The following CX3CR1 variants were observed in gnomAD, a reference collection of about 807,000 sequenced individuals.
CX3CR1 encodes C-X3-C motif chemokine receptor 1.
For synonymous variants in CX3CR1, 168 were observed against 178.5 expected (o/e 0.94, Z 0.47); for missense variants, 363 against 432.4 (o/e 0.84, Z 1.42).
rs770441666 is a variant in CX3CR1 at position 39,266,489 on chromosome 3, T to C, written c.21A>G (p.Ser7=). The change falls in exon 2 of 2, where the codon TCA becomes TCG. Residue 7 remains serine (S), a synonymous_variant. Coordinates refer to ENST00000399220, the MANE Select transcript of CX3CR1 (RefSeq NM_001337.4). ...CATCGTACTCAAAGTTTTCTGTCAC[T>C]GATTCAGGGAACTGATCCATGGTGA... The part of the protein sequence containing the change: MDQFPE[S]VTENFEYDDL... 4 of 1,613,900 alleles carry C rather than the reference T, an allele frequency of 2.5e-6. No homozygotes were observed. Among genetic ancestry groups the C allele is most frequent in the East Asian group, 2.2e-5 (1 of 44,890 alleles).
chr3:39,268,498 T>C (rs2040731618), intron 1 of CX3CR1, among the ~76,000 whole-genome samples: 1 of 152,162 alleles, frequency 6.6e-6, no homozygotes, highest in South Asian at 2.1e-4. Context: ...CAAGCTGCTG[T>C]ATGAGTAAAA....
chr3:39,265,416 G>C lies in CX3CR1; in HGVS notation c.*26C>G, dbSNP rs763983320. ...CAGGTTCAGGAACTCCAGGTTCTCT[G>C]TAGACACAAGGCTTTGGGATTCCCT... On this transcript the variant is annotated 3_prime_UTR_variant, in exon 2 of 2. Coordinates refer to ENST00000399220, the MANE Select transcript of CX3CR1 (RefSeq NM_001337.4). The C allele has an allele frequency of 6.4e-7, 1 of 1,566,514 alleles. No individual in the cohort carries two copies. The highest frequency in any genetic ancestry group is 1.2e-5 in the South Asian group (1 of 84,672).
chr3:39,287,617 G>A, the CX3CR1 span: 2 of 152,186 alleles, frequency 1.3e-5, no homozygotes, highest in Admixed American at 6.5e-5. Flanking sequence ...CCTTGAAACT[G>A]AATTGGGCAC....
Position 39,266,456 on chromosome 3 carries a change from A to G in CX3CR1, c.54T>C (p.Ala18=), listed in dbSNP as rs755363773. 1 of 1,614,238 alleles carries G rather than the reference A, an allele frequency of 6.2e-7. No individual in the cohort carries two copies. Among genetic ancestry groups the G allele is most frequent in the South Asian group, 1.1e-5 (1 of 91,082 alleles). Residue 18 remains alanine (A), a synonymous_variant, in exon 2 of 2, where the codon GCT becomes GCC. Transcript: ENST00000399220. ...CGATGTCCCCAATATAACAGGCCTC[A>G]GCCAAATCATCGTACTCAAAGTTTT... ...VTENFEYDDL[A]EACYIGDIVV...
chr3:39,288,277 T>C, the CX3CR1 span, among the ~76,000 whole-genome samples: 1 of 152,214 alleles, frequency 6.6e-6, no homozygotes, highest in Non-Finnish European at 1.5e-5. Context: ...AACCTGACCC[T>C]TGCTCACTCA....
Position 39,265,469 on chromosome 3 carries a change from A to G in CX3CR1, c.1041T>C (p.Ser347=). The change falls in exon 2 of 2, where the codon AGT becomes AGC. Residue 347 remains serine, a synonymous_variant. Coordinates refer to ENST00000399220, the MANE Select transcript of CX3CR1 (RefSeq NM_001337.4). ...AGAGAAGGAGCAATGCATCTCCATCACTCGTGTGGTAAGTAAAATTGCTGC... is the reference window on the plus strand; with the variant it reads ...AGAGAAGGAGCAATGCATCTCCATCGCTCGTGTGGTAAGTAAAATTGCTGC... The part of the protein sequence containing the change: ...VLSSNFTYHT[S]DGDALLLL The G allele has an allele frequency of 1.2e-6, 2 of 1,612,164 alleles. No individual in the cohort carries two copies. The highest frequency in any genetic ancestry group is 1.7e-6 in the Non-Finnish European group (2 of 1,178,720).
chr3:39,282,049 G>A (rs866752411), upstream of CX3CR1, among the ~76,000 whole-genome samples: 3 of 152,204 alleles, frequency 2.0e-5, no homozygotes, highest in Non-Finnish European at 4.4e-5. Flanking sequence ...CTTGGGTAAC[G>A]TGCCATTTTA....
rs751936998 is a variant in CX3CR1 at position 39,266,452 on chromosome 3, C to A, written c.58G>T (p.Ala20Ser). Residue 20 changes from alanine to serine, a missense_variant, in exon 2 of 2, where the codon GCC becomes TCC. Transcript: ENST00000399220. ...ACCACGATGTCCCCAATATAACAGGCCTCAGCCAAATCATCGTACTCAAAG... is the reference window on the plus strand; with the variant it reads ...ACCACGATGTCCCCAATATAACAGGACTCAGCCAAATCATCGTACTCAAAG... Reference protein sequence around the residue: ...ENFEYDDLAEACYIGDIVVFG... With the variant: ...ENFEYDDLAESCYIGDIVVFG... The A allele has an allele frequency of 6.2e-6, 10 of 1,614,040 alleles. No homozygotes were observed. The Admixed American group carries it at 1.7e-4, about 27-fold the overall frequency.
chr3:39,265,472 C>T lies in CX3CR1; in HGVS notation c.1038G>A (p.Thr346=), dbSNP rs778240643. 84 of 1,613,434 alleles carry T rather than the reference C, an allele frequency of 5.2e-5. No individual in the cohort carries two copies. The highest frequency in any genetic ancestry group is 6.8e-5 in the Non-Finnish European group (80 of 1,179,554). Reference sequence around the variant, plus strand: ...GAAGGAGCAATGCATCTCCATCACTCGTGTGGTAAGTAAAATTGCTGCTCA... The same window carrying T: ...GAAGGAGCAATGCATCTCCATCACTTGTGTGGTAAGTAAAATTGCTGCTCA... The part of the protein sequence containing the change: ...SVLSSNFTYH[T]SDGDALLLL Residue 346 remains threonine (T), a synonymous_variant, in exon 2 of 2, where the codon ACG becomes ACA. Transcript: ENST00000399220.
upstream of CX3CR1, among the ~76,000 whole-genome samples, chr3:39,284,017 C>G (rs2040928455): frequency 6.6e-6 from 1 of 151,232 alleles, no homozygotes; most frequent in Non-Finnish European, 1.5e-5. Context: ...ACCCCATTTC[C>G]TCTGATGTGA....
chr3:39,274,675 T>C (rs1341700675), intron 1 of CX3CR1, among the ~76,000 whole-genome samples: 1 of 152,152 alleles, frequency 6.6e-6, no homozygotes, highest in Non-Finnish European at 1.5e-5. Context: ...TCATAATTTT[T>C]TTAATAATTA....
rs771289099 is a variant in CX3CR1, at chr3:39,266,116, C to T, written c.394G>A (p.Val132Ile). ...TTGTTCATGGAGTTGGCGGCCAGGA[C>T]GATGGCCAGGTACCTATCAATGCTG... ...VISIDRYLAI[V>I]LAANSMNNRT... Residue 132 changes from valine to isoleucine, a missense_variant, in exon 2 of 2, where the codon GTC becomes ATC. Val to Ile is a conservative substitution (Grantham distance 29). Transcript: ENST00000399220. The T allele has an allele frequency of 2.2e-5, 36 of 1,613,970 alleles. No individual in the cohort carries two copies. The highest frequency in any genetic ancestry group is 1.6e-4 in the East Asian group (7 of 44,906).
upstream of CX3CR1, among the ~76,000 whole-genome samples, chr3:39,284,668 A>G (rs1017961607): frequency 2.0e-5 from 3 of 152,244 alleles, no homozygotes; most frequent in Non-Finnish European, 4.4e-5. Flanking sequence ...CACATTGTCC[A>G]TTATATCTCT....
At chr3:39,284,248 G>A (rs983803398), upstream of CX3CR1, among the ~76,000 whole-genome samples, 1 of 152,012 alleles carries the variant, frequency 6.6e-6, no homozygotes, top group Middle Eastern at 3.4e-3. Context: ...GCTGAGGTCC[G>A]CCTCCTGGGT....
chr3:39,273,348 T>C (rs756530615), intron 1 of CX3CR1, among the ~76,000 whole-genome samples: 9 of 152,214 alleles, frequency 5.9e-5, no homozygotes, highest in Non-Finnish European at 1.2e-4. Context: ...CCCAGGAATC[T>C]AGCTCCCAGC....
chr3:39,270,890 G>A (rs1229000422), intron 1 of CX3CR1, among the ~76,000 whole-genome samples: 1 of 152,150 alleles, frequency 6.6e-6, no homozygotes, highest in African/African-American at 2.4e-5. Flanking sequence ...ACAATAACAA[G>A]CATGCTGCAC....
the CX3CR1 span, among the ~76,000 whole-genome samples, chr3:39,288,729 T>C: frequency 6.6e-6 from 1 of 152,172 alleles, no homozygotes; most frequent in Admixed American, 6.5e-5. Flanking sequence ...CTGGCAAGCC[T>C]TTGGGTTACA....
rs762506581 is a variant in CX3CR1, at chr3:39,266,405, G to A, written c.105C>T (p.Ser35=). The change falls in exon 2 of 2, where the codon TCC becomes TCT. Residue 35 remains serine, a synonymous_variant. Coordinates refer to ENST00000399220, the MANE Select transcript of CX3CR1 (RefSeq NM_001337.4). The part of the protein sequence containing the change: ...DIVVFGTVFL[S]IFYSVIFAIG... ...TGGCAAAGATGACGGAGTAGAATAT[G>A]GACAGGAACACAGTCCCAAAGACCA... The A allele has an allele frequency of 9.3e-6, 15 of 1,614,036 alleles. No homozygotes were observed. The highest frequency in any genetic ancestry group is 1.3e-5 in the Non-Finnish European group (15 of 1,180,042).
chr3:39,266,173 A>G lies in CX3CR1; in HGVS notation c.337T>C (p.Phe113Leu). 2 of 1,614,244 alleles carry G rather than the reference A, an allele frequency of 1.2e-6. No individual in the cohort carries two copies. Among genetic ancestry groups the G allele is most frequent in the Non-Finnish European group, 1.7e-6 (2 of 1,180,048 alleles). The change falls in exon 2 of 2, where the codon TTT (phenylalanine) becomes CTT (leucine). Residue 113 changes from phenylalanine (F) to leucine (L), a missense_variant. Phe to Leu is a conservative substitution (Grantham distance 22, BLOSUM62 0). Transcript: ENST00000399220. ...KFTTAFFFIG[F>L]FGSIFFITVI... Reference sequence around the variant, plus strand: ...GTGATGAAGAATATGCTTCCAAAAAAGCCGATGAAGAAGAAGGCGGTAGTG... The same window carrying G: ...GTGATGAAGAATATGCTTCCAAAAAGGCCGATGAAGAAGAAGGCGGTAGTG...
Sources: gnomAD v4.1 joint callset for allele counts (sites outside exome capture counted in the v4.1 genomes callset) on GRCh38, gnomAD v4.1.1 for gene constraint, MANE v1.5 for transcripts, NCBI Gene and HGNC (gene_info 2026-07-23, HGNC 2026-07-21) for gene names.